Variants in THSD1 observed in about 807,000 individuals in gnomAD.
THSD1 encodes the protein thrombospondin type-1 domain-containing protein 1.
In THSD1, 34 loss-of-function variants were observed where a neutral mutation model predicts 46.3. The observed-to-expected ratio is 0.74, with a 90% CI of 0.56 to 0.98. The LOEUF is 0.98. Among genes scored for constraint, THSD1 ranks in the 50% least tolerant of loss-of-function variants. The pLI is 0.00. For missense variants in THSD1, 1,023 were observed against 1,058.3 expected, an observed-to-expected ratio of 0.97 and a Z score of 0.46; for synonymous variants, 407 against 416.5, an observed-to-expected ratio of 0.98 and a Z score of 0.28.
rs533308482 is a variant in THSD1 at position 52,390,761 on chromosome 13, C to T, written c.1022-4575G>A. On this transcript the variant is annotated intron_variant, in intron 3 of 4. Coordinates refer to ENST00000258613, the MANE Select transcript of THSD1 (RefSeq NM_018676.4). ...AATATATAGTTTATCCTTCTCCATG[C>T]TCATATTTAGGACCACAAAAGGTAG... 2.9e-4 allele frequency among the ~76,000 whole-genome samples: 44 copies of T among 152,250 alleles called. No homozygotes were observed. The South Asian group carries it at 8.5e-3, about 29-fold the overall frequency.
chr13:52,386,201 G>C lies in THSD1; in HGVS notation c.1022-15C>G. 6.2e-7 allele frequency: 1 copy of C among 1,611,826 alleles called. No homozygotes were observed. The highest frequency in any genetic ancestry group is 8.5e-7 in the Non-Finnish European group (1 of 1,178,778). On this transcript the variant is annotated splice_polypyrimidine_tract_variant and intron_variant, in intron 3 of 4. Coordinates refer to ENST00000258613, the MANE Select transcript of THSD1 (RefSeq NM_018676.4). The stretch of plus-strand genomic sequence containing the variant: ...TCCCCAAGTTTCTGCAAGGATATAA[G>C]TTATGCTTTTAATGCTAGTTCATTT...
intron 3 of THSD1, among the ~76,000 whole-genome samples, chr13:52,390,802 G>T (rs890094962): frequency 1.3e-5 from 2 of 152,056 alleles, no homozygotes; most frequent in African/African-American, 4.8e-5. Flanking sequence ...CACATGCTAA[G>T]AATCTTTTGT....
chr13:52,389,848 T>G (rs8000772), intron 3 of THSD1, among the ~76,000 whole-genome samples: 3,313 of 151,906 alleles, frequency 0.022, 112 homozygotes, highest in African/African-American at 0.073. Flanking sequence ...TCCCTATAAA[T>G]AATTATTCTG....
rs778726368 is a variant in THSD1, at chr13:52,397,356, C to T, written c.897G>A (p.Arg299=). The T allele has an allele frequency of 3.1e-6, 5 of 1,614,010 alleles. No individual in the cohort carries two copies. The highest frequency in any genetic ancestry group is 1.3e-5 in the African/African-American group (1 of 74,904). Residue 299 remains arginine, a synonymous_variant, in exon 3 of 5, where the codon AGG becomes AGA. Coordinates refer to ENST00000258613, the MANE Select transcript of THSD1 (RefSeq NM_018676.4). ...LAENSLPLGE[R]RTIFNCTLFD... ...ACAAAGTACAGTTAAAAATTGTCCTCCTCTCTCCCAGGGGCAGGCTGTTTT... is the reference window on the plus strand; with the variant it reads ...ACAAAGTACAGTTAAAAATTGTCCTTCTCTCTCCCAGGGGCAGGCTGTTTT...
At chr13:52,398,661 T>C (rs1957830056) in intron 2 of THSD1, 6 of 932,014 alleles carry the variant, frequency 6.4e-6, no homozygotes, top group Non-Finnish European at 7.7e-6. Flanking sequence ...TTCTGTTCCT[T>C]CTTCATCTTT....
In THSD1 at chr13:52,402,657, T is replaced by C. The variant is rs767414150; in HGVS notation, c.-57A>G. ...CCTCATGTCCTTTCTCACGTCCAGATTGTGATTTTTTTCCCCAAAAACACC... is the reference window on the plus strand; with the variant it reads ...CCTCATGTCCTTTCTCACGTCCAGACTGTGATTTTTTTCCCCAAAAACACC... On this transcript the variant is annotated 5_prime_UTR_variant, in exon 2 of 5. Coordinates refer to ENST00000258613, the MANE Select transcript of THSD1 (RefSeq NM_018676.4). 14 of 1,600,230 alleles carry C rather than the reference T, an allele frequency of 8.7e-6. No individual in the cohort carries two copies. The highest frequency in any genetic ancestry group is 1.7e-4 in the Middle Eastern group (1 of 5,978).
chr13:52,377,775 C>T lies in THSD1; in HGVS notation c.2195G>A (p.Gly732Glu). ...LNPLPKSYTL[G>E]QPLRKPDLGD... The stretch of plus-strand genomic sequence containing the variant: ...AAGGTCTGGTTTCCTCAAGGGCTGC[C>T]CCAAAGTGTAGGATTTAGGGAGAGG... The change falls in exon 5 of 5, where the codon GGG (glycine) becomes GAG (glutamate). Residue 732 changes from glycine (G) to glutamate (E), a missense_variant. Gly to Glu is a moderately conservative substitution (Grantham distance 98, BLOSUM62 -2). Coordinates refer to ENST00000258613, the MANE Select transcript of THSD1 (RefSeq NM_018676.4). 6.2e-7 allele frequency: 1 copy of T among 1,614,136 alleles called. No homozygotes were observed. Among genetic ancestry groups the T allele is most frequent in the Non-Finnish European group, 8.5e-7 (1 of 1,180,036 alleles).
intron 3 of THSD1, among the ~76,000 whole-genome samples, chr13:52,391,809 C>T (rs1272417302): frequency 1.3e-5 from 2 of 151,996 alleles, no homozygotes; most frequent in Non-Finnish European, 1.5e-5. Flanking sequence ...TCTCAAAGTG[C>T]TGGGATTACA....
intron 4 of THSD1, among the ~76,000 whole-genome samples, chr13:52,381,274 G>A (rs1957689797): frequency 6.6e-6 from 1 of 152,128 alleles, no homozygotes; most frequent in South Asian, 2.1e-4. Context: ...CTGCTCTGCA[G>A]CAGAAGTCTG....
rs754066055 is a variant in THSD1 at position 52,378,170 on chromosome 13, C to T, written c.1800G>A (p.Gly600=). ...GATCCAGCCTGGAGGGAGGCCTTTCCCCGGCACTGACCGCGGGCTGCTCCG... is the reference window on the plus strand; with the variant it reads ...GATCCAGCCTGGAGGGAGGCCTTTCTCCGGCACTGACCGCGGGCTGCTCCG... The part of the protein sequence containing the change: ...PFPEQPAVSA[G]ERPPSRLDLN... Residue 600 remains glycine (G), a synonymous_variant, in exon 5 of 5, where the codon GGG becomes GGA. Transcript: ENST00000258613. The T allele has an allele frequency of 1.2e-6, 2 of 1,614,186 alleles. No homozygotes were observed. The highest frequency in any genetic ancestry group is 1.7e-6 in the Non-Finnish European group (2 of 1,180,040).
At chr13:52,403,691 C>A (rs1236188471) in intron 1 of THSD1, among the ~76,000 whole-genome samples, 1 of 152,106 alleles carries the variant, frequency 6.6e-6, no homozygotes, top group Non-Finnish European at 1.5e-5. Context: ...TTGTGTTAGG[C>A]AGGATCTCGA....
chr13:52,378,186 G>C lies in THSD1; in HGVS notation c.1784C>G (p.Pro595Arg), dbSNP rs1287434347. The C allele has an allele frequency of 6.2e-7, 1 of 1,614,082 alleles. No homozygotes were observed. The highest frequency in any genetic ancestry group is 1.3e-5 in the African/African-American group (1 of 74,922). The change falls in exon 5 of 5, where the codon CCC becomes CGC. Residue 595 changes from proline (P) to arginine (R), a missense_variant. By Grantham distance (103) the Pro-to-Arg change is moderately radical (BLOSUM62 -2). This residue lies in a region of THSD1 where 578 missense variants were observed against 497.4 expected (regional missense o/e 1.16). Transcript: ENST00000258613. ...AGGCCTTTCCCCGGCACTGACCGCG[G>C]GCTGCTCCGGAAATGGGGATTTGAT... Reference protein sequence around the residue: ...FRIKSPFPEQPAVSAGERPPS... With the variant: ...FRIKSPFPEQRAVSAGERPPS...
Position 52,397,569 on chromosome 13 carries a change from A to G in THSD1, c.684T>C (p.Ile228=). Residue 228 remains isoleucine (I), a synonymous_variant, in exon 3 of 5, where the codon ATT becomes ATC. Transcript: ENST00000258613. The part of the protein sequence containing the change: ...VLKLLGRDSV[I]TSTGPIDLAQ... ...CCAGGTCAATGGGTCCTGTGGAGGT[A>G]ATGACTGAGTCTCGCCCAAGCAGCT... 6.2e-7 allele frequency: 1 copy of G among 1,614,182 alleles called. No homozygotes were observed. Among genetic ancestry groups the G allele is most frequent in the Non-Finnish European group, 8.5e-7 (1 of 1,180,040 alleles).
In THSD1 at chr13:52,377,365, G is replaced by T. The variant is rs1305051780; in HGVS notation, c.*46C>A. 2 of 1,485,250 alleles carry T rather than the reference G, an allele frequency of 1.3e-6. No homozygotes were observed. Among genetic ancestry groups the T allele is most frequent in the African/African-American group, 2.8e-5 (2 of 71,368 alleles). The allele number at this position is 1,485,250 out of a possible 1,614,324, so 92.0% of individuals were successfully genotyped here. ...ATAGTTACACAAAAGTCTACAAAAC[G>T]CGAGTAGCAGACCCCAGCTGTGTAA... On this transcript the variant is annotated 3_prime_UTR_variant, in exon 5 of 5. Coordinates refer to ENST00000258613, the MANE Select transcript of THSD1 (RefSeq NM_018676.4).
intron 3 of THSD1, among the ~76,000 whole-genome samples, chr13:52,387,027 G>A (rs1957736348): frequency 6.6e-6 from 1 of 152,144 alleles, no homozygotes; most frequent in Non-Finnish European, 1.5e-5. Context: ...GACTGAGGCT[G>A]AACTAGTACA....
intron 3 of THSD1, among the ~76,000 whole-genome samples, chr13:52,393,180 A>G (rs945885757): frequency 6.6e-6 from 1 of 152,192 alleles, no homozygotes; most frequent in African/African-American, 2.4e-5. Flanking sequence ...CTGTGCCTCC[A>G]TTTCATCACC....
At position 52,397,218 on chromosome 13, in the gene THSD1, A is replaced by T; in HGVS notation, c.1021+14T>A. On this transcript the variant is annotated intron_variant, in intron 3 of 4. Transcript: ENST00000258613. ...GGATTTGATTTAAAATGTTAAAAAA[A>T]TCTCAATACAAACCTGTATTTCTCT... 6.6e-7 allele frequency: 1 copy of T among 1,526,482 alleles called. No homozygotes were observed. The highest frequency in any genetic ancestry group is 2.3e-5 in the East Asian group (1 of 44,176). 94.6% of individuals were successfully genotyped at this position (1,526,482 alleles called of 1,614,324 possible). A position where few individuals can be genotyped will look rare whatever the true frequency, so the allele number is the denominator to read the frequency against.
At chr13:52,389,940 GA>G (rs1957760843) in intron 3 of THSD1, among the ~76,000 whole-genome samples, 1 of 152,020 alleles carries the variant, frequency 6.6e-6, no homozygotes, top group Admixed American at 6.6e-5. Flanking sequence ...AGGAGTTTGA[GA>G]CCAGCCTGGG....
At chr13:52,384,182 CTCA>C (rs1174993799) in intron 4 of THSD1, 1 of 283,992 alleles carries the variant, frequency 3.5e-6, no homozygotes, top group South Asian at 2.8e-5. Context: ...GAAACTCCGT[CTCA>C]AAAAAAAAAA....
Sources: gnomAD v4.1 joint callset for allele counts (sites outside exome capture counted in the v4.1 genomes callset) on GRCh38, gnomAD v4.1.1 for gene constraint, gnomAD v4.1.1 regional missense constraint, MANE v1.5 for transcripts, NCBI Gene and HGNC (gene_info 2026-07-23, HGNC 2026-07-21) for gene names.